The following NAALADL2 variants were observed in gnomAD, a reference collection of about 807,000 sequenced individuals.
NAALADL2 encodes N-acetylated alpha-linked acidic dipeptidase like 2, also known as inactive N-acetylated-alpha-linked acidic dipeptidase-like protein 2.
NAALADL2 carries 76 observed loss-of-function variants against 87.2 expected under a neutral mutation model. That is an observed-to-expected ratio of 0.87 (90% CI 0.72 to 1.05). The LOEUF (loss-of-function observed/expected upper bound fraction) is 1.05, where lower values mean the gene tolerates loss of function less well. Ranked by LOEUF, NAALADL2 falls within the 50% of genes least tolerant of loss-of-function variation. The pLI, the probability that NAALADL2 is intolerant of heterozygous loss-of-function variation, is 0.00. For synonymous variants in NAALADL2, 354 were observed against 331.0 expected, an observed-to-expected ratio of 1.07 and a Z score of -0.75; for missense variants, 1,089 against 945.8, an observed-to-expected ratio of 1.15 and a Z score of -1.99.
intron 5 of NAALADL2, among the ~76,000 whole-genome samples, chr3:175,396,772 C>T (rs560760011): frequency 8.5e-5 from 13 of 152,174 alleles, no homozygotes; most frequent in African/African-American, 2.9e-4. Context: ...TGAGTCCTCA[C>T]AAGATCTAAT....
chr3:175,180,314 T>G (rs1736278363), intron 2 of NAALADL2, among the ~76,000 whole-genome samples: 1 of 152,062 alleles, frequency 6.6e-6, no homozygotes, highest in South Asian at 2.1e-4. Context: ...ACACATTGAT[T>G]ATTTTAATGC....
chr3:175,245,055 T>C lies in NAALADL2; in HGVS notation c.819+10851T>C, dbSNP rs116364941. On this transcript the variant is annotated intron_variant, in intron 3 of 13. Coordinates refer to ENST00000454872, the MANE Select transcript of NAALADL2 (RefSeq NM_207015.3). Reference sequence around the variant, plus strand: ...ATAATTATCTCTTTAATACCCTCTTTCTTGGACTTCCATAATTCTGTTTTC... The same window carrying C: ...ATAATTATCTCTTTAATACCCTCTTCCTTGGACTTCCATAATTCTGTTTTC... 9.0e-3 allele frequency among the ~76,000 whole-genome samples: 1,368 copies of C among 152,284 alleles called. 17 individuals carry two copies. Among genetic ancestry groups the C allele is most frequent in the African/African-American group, 0.031 (1,303 of 41,576 alleles).
intron 11 of NAALADL2, among the ~76,000 whole-genome samples, chr3:175,651,605 G>A (rs1053068713): frequency 3.9e-5 from 6 of 152,134 alleles, no homozygotes; most frequent in Non-Finnish European, 8.8e-5. Context: ...ATTGTTAAGA[G>A]TTTATATAAG....
chr3:175,200,497 T>C (rs995237356), intron 2 of NAALADL2, among the ~76,000 whole-genome samples: 33 of 152,174 alleles, frequency 2.2e-4, no homozygotes, highest in Non-Finnish European at 1.5e-5. Context: ...TTGTCTTTCA[T>C]GATTATCTCC....
intron 4 of NAALADL2, among the ~76,000 whole-genome samples, chr3:175,259,783 C>T (rs1750696630): frequency 6.6e-6 from 1 of 152,148 alleles, no homozygotes. Context: ...GTGGCTCACA[C>T]CTGTAATGCC....
intron 1 of NAALADL2, among the ~76,000 whole-genome samples, chr3:174,951,047 C>T (rs1740266445): frequency 6.6e-6 from 1 of 151,998 alleles, no homozygotes; most frequent in East Asian, 1.9e-4. Flanking sequence ...GTATTTTTCA[C>T]ATTTCTATTT....
upstream of NAALADL2, among the ~76,000 whole-genome samples, chr3:174,855,059 G>A (rs1409382351): frequency 6.6e-6 from 1 of 151,870 alleles, no homozygotes; most frequent in Non-Finnish European, 1.5e-5. Context: ...TGCTGGTCTC[G>A]AACTCCTGAC....
intron 9 of NAALADL2, among the ~76,000 whole-genome samples, chr3:175,542,525 GTATTTTCTTTT>G (rs1582324543): frequency 6.6e-6 from 1 of 152,084 alleles, no homozygotes. Context: ...AATGAATGAC[GTATTTTCTTTT>G]TTTAGTAGAG....
rs1009794222 is a variant in NAALADL2 at position 174,749,807 on chromosome 3, C to T, written c.-9+12061C>T. ...ACATACCTAAGATGTAATTTTCTTT[C>T]CCGTATCTCTGCTTAAAATATATTT... On this transcript the variant is annotated intron_variant, in intron 3 of 3. Transcript: ENST00000434257. 2.6e-5 allele frequency among the ~76,000 whole-genome samples: 4 copies of T among 152,200 alleles called. No homozygotes were observed. The East Asian group carries it at 7.7e-4, about 29-fold the overall frequency.
At chr3:174,739,601 T>C (rs759729103) in intron 3 of NAALADL2, among the ~76,000 whole-genome samples, 2 of 152,064 alleles carry the variant, frequency 1.3e-5, no homozygotes, top group Admixed American at 1.3e-4. Context: ...TGCAATGTCT[T>C]TTAGGTGGGT....
At chr3:175,748,217 C>T (rs2150115853) in intron 12 of NAALADL2, among the ~76,000 whole-genome samples, 1 of 152,196 alleles carries the variant, frequency 6.6e-6, no homozygotes, top group South Asian at 2.1e-4. Context: ...CACATTTTTT[C>T]ACTACCTGAG....
chr3:175,342,970 T>C (rs1248554728), intron 5 of NAALADL2, among the ~76,000 whole-genome samples: 1 of 152,084 alleles, frequency 6.6e-6, no homozygotes, highest in Non-Finnish European at 1.5e-5. Flanking sequence ...TTCTTTTAGA[T>C]ACCCCAGATT....
chr3:175,197,435 C>G (rs923141595), intron 2 of NAALADL2, among the ~76,000 whole-genome samples: 1 of 151,768 alleles, frequency 6.6e-6, no homozygotes, highest in South Asian at 2.1e-4. Context: ...AATTAGTCTG[C>G]GAAGTTTTTC....
At chr3:175,135,669 C>G (rs1214257952) in intron 2 of NAALADL2, among the ~76,000 whole-genome samples, 1 of 152,138 alleles carries the variant, frequency 6.6e-6, no homozygotes, top group Non-Finnish European at 1.5e-5. Flanking sequence ...GAAGATAATA[C>G]TACCTTTCAG....
At chr3:175,003,374 A>T (rs1392798600) in intron 1 of NAALADL2, among the ~76,000 whole-genome samples, 1 of 152,164 alleles carries the variant, frequency 6.6e-6, no homozygotes, top group African/African-American at 2.4e-5. Context: ...CAAAAAAGTA[A>T]ATACTTAATA....
At chr3:175,094,270 A>G (rs947028796) in intron 1 of NAALADL2, among the ~76,000 whole-genome samples, 2 of 152,066 alleles carry the variant, frequency 1.3e-5, no homozygotes, top group Admixed American at 1.3e-4. Context: ...TATCATTTCA[A>G]GGTTACAGCA....
chr3:174,555,992 TGTGTGTGTGTGTGTGTGC>T (rs1712752196), intron 2 of NAALADL2, among the ~76,000 whole-genome samples: 1 of 136,792 alleles, frequency 7.3e-6, no homozygotes, highest in Non-Finnish European at 1.6e-5. Flanking sequence ...TGTGTGTGTG[TGTGTGTGTGTGTGTGTGC>T]GCGCACGTGA....
chr3:174,864,012 A>G, intron 1 of NAALADL2: 3 of 453,778 alleles, frequency 6.6e-6, no homozygotes, highest in South Asian at 1.6e-5. Flanking sequence ...TTTGCTGGAA[A>G]GTCTCATAAT....
At chr3:175,607,921 A>ACG (rs1003686189) in intron 10 of NAALADL2, among the ~76,000 whole-genome samples, 21 of 151,284 alleles carry the variant, frequency 1.4e-4, no homozygotes, top group Non-Finnish European at 2.8e-4. Flanking sequence ...ACGCACACAC[A>ACG]CGCACACACA....
Sources: allele counts gnomAD v4.1 joint callset (sites outside exome capture counted in the v4.1 genomes callset), GRCh38; gene constraint gnomAD v4.1.1; transcripts MANE v1.5; gene names NCBI Gene and HGNC (gene_info 2026-07-23, HGNC 2026-07-21).